Variants in CTNNA2 observed in about 807,000 individuals in gnomAD.
The protein encoded by CTNNA2 is catenin alpha 2.
CTNNA2 carries 42 observed loss-of-function variants against 101.0 expected under a neutral mutation model. That is an observed-to-expected ratio of 0.42 (90% CI 0.32 to 0.54). The LOEUF (loss-of-function observed/expected upper bound fraction) is 0.54, where lower values mean the gene tolerates loss of function less well. Ranked by LOEUF, CTNNA2 falls within the 20% of genes least tolerant of loss-of-function variation. The pLI is 0.14. For synonymous variants in CTNNA2, 450 were observed against 456.4 expected, an observed-to-expected ratio of 0.99 and a Z score of 0.18; for missense variants, 871 against 1,223.1, an observed-to-expected ratio of 0.71 and a Z score of 4.29.
intron 1 of CTNNA2, among the ~76,000 whole-genome samples, chr2:79,649,935 C>T (rs923866931): frequency 2.0e-5 from 3 of 151,876 alleles, no homozygotes; most frequent in Admixed American, 2.0e-4. Context: ...CCTTCTTTGT[C>T]GTGTTAATTC....
intron 2 of CTNNA2, among the ~76,000 whole-genome samples, chr2:79,657,897 A>G (rs1327436878): frequency 1.3e-5 from 2 of 151,864 alleles, no homozygotes; most frequent in Non-Finnish European, 3.0e-5. Context: ...TAAGACTAGG[A>G]TCAATCTTTT....
chr2:79,590,871 T>G lies in CTNNA2; in HGVS notation c.-5-60681T>G, dbSNP rs372737161. ...ACCAAAACCTTTTAACATATAAAAA[T>G]AACTACTTTAATTTTGTTTTCTTTT... On this transcript the variant is annotated intron_variant, in intron 1 of 18. Transcript: ENST00000402739. Among the ~76,000 whole-genome samples, 8 of 152,316 alleles carry G rather than the reference T, an allele frequency of 5.3e-5. No individual in the cohort carries two copies. The East Asian group carries it at 1.2e-3, about 22-fold the overall frequency.
At chr2:79,226,460 G>A (rs1674410444) in intron 2 of CTNNA2, among the ~76,000 whole-genome samples, 2 of 137,310 alleles carry the variant, frequency 1.5e-5, no homozygotes, top group Admixed American at 7.7e-5. Context: ...ATTTTTTGTG[G>A]CCACGTTTGC....
At chr2:79,892,382 C>A (rs1684371445) in intron 6 of CTNNA2, among the ~76,000 whole-genome samples, 1 of 151,940 alleles carries the variant, frequency 6.6e-6, no homozygotes, top group Admixed American at 6.6e-5. Context: ...CAAAGTTATA[C>A]TAATTCATGC....
chr2:79,478,558 C>A (rs544376541), intron 4 of CTNNA2, among the ~76,000 whole-genome samples: 2 of 152,134 alleles, frequency 1.3e-5, no homozygotes, highest in Admixed American at 1.3e-4. Context: ...GGGGTCATTT[C>A]TTATGGCAGC....
At chr2:79,756,163 G>A (rs1215620303) in intron 3 of CTNNA2, among the ~76,000 whole-genome samples, 2 of 152,084 alleles carry the variant, frequency 1.3e-5, no homozygotes, top group East Asian at 3.9e-4. Flanking sequence ...TCTCTTTCTG[G>A]AACCCTTGGC....
At chr2:79,740,737 G>A (rs551136882) in intron 2 of CTNNA2, among the ~76,000 whole-genome samples, 1 of 152,264 alleles carries the variant, frequency 6.6e-6, no homozygotes, top group South Asian at 2.1e-4. Flanking sequence ...AAAGCAAGAG[G>A]AGACTGGTGA....
At chr2:80,577,414 G>T (rs531426269) in intron 13 of CTNNA2, among the ~76,000 whole-genome samples, 1 of 152,102 alleles carries the variant, frequency 6.6e-6, no homozygotes, top group East Asian at 1.9e-4. Context: ...GCATGTTTCC[G>T]GCGGAGGAAA....
At chr2:80,237,257 C>G (rs547259195) in intron 7 of CTNNA2, among the ~76,000 whole-genome samples, 1 of 152,280 alleles carries the variant, frequency 6.6e-6, no homozygotes, top group African/African-American at 2.4e-5. Flanking sequence ...GGATATGTTA[C>G]TAAATGTCTG....
At chr2:79,580,134 T>G (rs1216883548) in intron 1 of CTNNA2, among the ~76,000 whole-genome samples, 1 of 152,126 alleles carries the variant, frequency 6.6e-6, no homozygotes, top group Non-Finnish European at 1.5e-5. Flanking sequence ...TGCAGTGTTT[T>G]TTAGGATCTA....
chr2:80,250,695 G>A (rs1671699097), intron 7 of CTNNA2, among the ~76,000 whole-genome samples: 1 of 152,120 alleles, frequency 6.6e-6, no homozygotes, highest in Non-Finnish European at 1.5e-5. Context: ...ACAGGGCTGT[G>A]GCTGAGGAGA....
chr2:80,575,706 C>T (rs1400475501), intron 13 of CTNNA2, among the ~76,000 whole-genome samples: 3 of 152,082 alleles, frequency 2.0e-5, no homozygotes, highest in African/African-American at 7.2e-5. Context: ...ACATGTTTGT[C>T]ACAACCATTC....
At chr2:80,286,425 T>G (rs961285215) in intron 7 of CTNNA2, among the ~76,000 whole-genome samples, 4 of 152,150 alleles carry the variant, frequency 2.6e-5, no homozygotes, top group Non-Finnish European at 5.9e-5. Context: ...TCTCACTAAC[T>G]CATCCTGTTA....
intron 9 of CTNNA2, among the ~76,000 whole-genome samples, chr2:80,465,043 C>T (rs994648494): frequency 3.9e-5 from 6 of 152,158 alleles, no homozygotes; most frequent in Admixed American, 3.9e-4. Flanking sequence ...CGTCTTCATT[C>T]ACCCTGCTCC....
Position 79,322,928 on chromosome 2 carries a change from C to T in CTNNA2, c.-318+10132C>T, listed in dbSNP as rs4852144. ...AGTGAGGCATTACTCTTATGGTTTG[C>T]GAGAGAAGTTTCCAAGTTTCTATGC... On this transcript the variant is annotated intron_variant, in intron 3 of 21. Transcript: ENST00000466387. Among the ~76,000 whole-genome samples, 23 of 152,164 alleles carry T rather than the reference C, an allele frequency of 1.5e-4. No homozygotes were observed. The East Asian group carries it at 4.3e-3, about 28-fold the overall frequency.
intron 7 of CTNNA2, among the ~76,000 whole-genome samples, chr2:80,068,040 T>C (rs13405860): frequency 0.024 from 3,671 of 152,324 alleles, 137 homozygotes; most frequent in African/African-American, 0.083. Context: ...AAACATTTGT[T>C]GTTTCTTCAA....
intron 1 of CTNNA2, among the ~76,000 whole-genome samples, chr2:79,530,086 G>C (rs1672648368): frequency 6.6e-6 from 1 of 152,104 alleles, no homozygotes; most frequent in Non-Finnish European, 1.5e-5. Flanking sequence ...AAGGCTTTCT[G>C]TGGTGGGAGG....
chr2:80,510,453 C>T (rs1485789146), intron 9 of CTNNA2, among the ~76,000 whole-genome samples: 1 of 152,216 alleles, frequency 6.6e-6, no homozygotes, highest in Non-Finnish European at 1.5e-5. Flanking sequence ...GCTGACCTGC[C>T]TGTCAGATTC....
intron 7 of CTNNA2, among the ~76,000 whole-genome samples, chr2:80,259,705 T>C (rs1347099928): frequency 6.6e-6 from 1 of 152,250 alleles, no homozygotes; most frequent in Non-Finnish European, 1.5e-5. Flanking sequence ...TAATCTGTTA[T>C]TTTCAGCCTT....
Sources: gnomAD v4.1 joint callset for allele counts (sites outside exome capture counted in the v4.1 genomes callset) on GRCh38, gnomAD v4.1.1 for gene constraint, MANE v1.5 for transcripts, NCBI Gene and HGNC (gene_info 2026-07-23, HGNC 2026-07-21) for gene names.